Variants in GARNL3 observed in about 807,000 individuals in gnomAD.
GARNL3 encodes GTPase-activating Rap/Ran-GAP domain-like protein 3.
GARNL3 carries 63 observed loss-of-function variants against 125.0 expected under a neutral mutation model. The ratio of observed to expected loss-of-function variants is 0.50; its 90% CI spans 0.41 to 0.62. GARNL3 has a LOEUF of 0.62. Among genes scored for constraint, GARNL3 ranks in the 20% least tolerant of loss-of-function variants. The pLI, the probability that GARNL3 is intolerant of heterozygous loss-of-function variation, is 0.00. For synonymous variants in GARNL3, 439 were observed against 457.5 expected, an observed-to-expected ratio of 0.96 and a Z score of 0.52; for missense variants, 994 against 1,244.0, an observed-to-expected ratio of 0.80 and a Z score of 3.02.
intron 2 of GARNL3, among the ~76,000 whole-genome samples, chr9:127,309,151 G>A (rs115380223): frequency 0.018 from 2,758 of 151,984 alleles, 87 homozygotes; most frequent in African/African-American, 0.064. Context: ...TAAAAGGCAG[G>A]ACATAAAAAA....
In GARNL3 at chr9:127,385,643, C is replaced by T. The variant is rs1021980746; in HGVS notation, c.2388+498C>T. ...AGATGCCTTCCAAGATGTCTTTTGTCGCTGGCATATAATCTGGGGGGTCTT... is the reference window on the plus strand; with the variant it reads ...AGATGCCTTCCAAGATGTCTTTTGTTGCTGGCATATAATCTGGGGGGTCTT... On this transcript the variant is annotated intron_variant, in intron 24 of 27. Transcript: ENST00000373387. This position sits in a 1 kb window ranked among gnomAD's most constrained non-coding sequence, Gnocchi z 4.1. Among the ~76,000 whole-genome samples, 4 of 152,212 alleles carry T rather than the reference C, an allele frequency of 2.6e-5. No individual in the cohort carries two copies. Among genetic ancestry groups the T allele is most frequent in the Non-Finnish European group, 4.4e-5 (3 of 68,028 alleles).
At chr9:127,255,651 A>G (rs749694625) in intron 2 of GARNL3, among the ~76,000 whole-genome samples, 40 of 152,234 alleles carry the variant, frequency 2.6e-4, no homozygotes, top group Non-Finnish European at 4.4e-4. Flanking sequence ...GTTAGAGACA[A>G]AATTCCAGGT....
chr9:127,391,533 A>AAAAAAAAAAAAAAAATAT, intron 27 of GARNL3, among the ~76,000 whole-genome samples: 6 of 75,846 alleles, frequency 7.9e-5, no homozygotes, highest in Admixed American at 7.6e-4. Flanking sequence ...ACAAAAAAAA[A>AAAAAAAAAAAAAAAATAT]ATATATATAT....
At chr9:127,367,851 C>A (rs1487954023) in intron 22 of GARNL3, among the ~76,000 whole-genome samples, 1 of 130,914 alleles carries the variant, frequency 7.6e-6, no homozygotes, top group African/African-American at 2.8e-5. Context: ...GAATACAAAA[C>A]CTGCTTCTTA....
chr9:127,319,180 T>A (rs1393072300), intron 5 of GARNL3, among the ~76,000 whole-genome samples: 4 of 152,132 alleles, frequency 2.6e-5, no homozygotes, highest in Non-Finnish European at 5.9e-5. Flanking sequence ...GGGGACTGCA[T>A]CTGGCTGACT....
intron 10 of GARNL3, among the ~76,000 whole-genome samples, chr9:127,335,609 G>A (rs763350468): frequency 5.9e-5 from 9 of 152,120 alleles, no homozygotes; most frequent in Admixed American, 2.0e-4. Context: ...ATGTGTGTGA[G>A]TGTGGTTTCA....
chr9:127,263,875 C>A, upstream of GARNL3: 7 of 1,371,576 alleles, frequency 5.1e-6, no homozygotes, highest in South Asian at 1.9e-5. Context: ...TGGAGCCTGT[C>A]AAACAGTGTC....
chr9:127,235,861 A>G (rs1189520393), intron 1 of GARNL3, among the ~76,000 whole-genome samples: 1 of 152,218 alleles, frequency 6.6e-6, no homozygotes, highest in Non-Finnish European at 1.5e-5. Context: ...AACAACGACT[A>G]CAGTCAACTC....
intron 7 of GARNL3, among the ~76,000 whole-genome samples, chr9:127,326,185 C>T (rs1324875831): frequency 6.6e-6 from 1 of 152,188 alleles, no homozygotes; most frequent in Non-Finnish European, 1.5e-5. Context: ...CCCTGCCTGT[C>T]ACCCTTAGCC....
At chr9:127,248,669 G>A (rs894215424) in intron 2 of GARNL3, among the ~76,000 whole-genome samples, 10 of 129,112 alleles carry the variant, frequency 7.7e-5, no homozygotes, top group Non-Finnish European at 1.1e-4. Context: ...GTGCAGTGGT[G>A]TGATCTCGGT....
Position 127,301,539 on chromosome 9 carries a change from G to A in GARNL3, c.220-10097G>A, listed in dbSNP as rs369640266. On this transcript the variant is annotated intron_variant, in intron 2 of 27. Coordinates refer to ENST00000373387, the MANE Select transcript of GARNL3 (RefSeq NM_032293.5). Reference sequence around the variant, plus strand: ...CAATTTCCTAATGGGTAAAAAGGGAGGGGAAATCCTTCCTTATACCATCTG... The same window carrying A: ...CAATTTCCTAATGGGTAAAAAGGGAAGGGAAATCCTTCCTTATACCATCTG... 7.9e-5 allele frequency among the ~76,000 whole-genome samples: 12 copies of A among 152,136 alleles called. 1 individual carries two copies. The East Asian group carries it at 2.3e-3, about 29-fold the overall frequency.
At chr9:127,371,533 G>A (rs1223900108) in intron 22 of GARNL3, among the ~76,000 whole-genome samples, 2 of 152,162 alleles carry the variant, frequency 1.3e-5, no homozygotes, top group Non-Finnish European at 2.9e-5. Context: ...TGAGCAAGAG[G>A]CTGAAGATTG....
At chr9:127,246,268 C>T (rs2063302274) in intron 2 of GARNL3, among the ~76,000 whole-genome samples, 1 of 152,130 alleles carries the variant, frequency 6.6e-6, no homozygotes, top group South Asian at 2.1e-4. Context: ...GGAGACCTAT[C>T]AGAGCAGAAG....
chr9:127,296,690 C>T (rs971641938), intron 2 of GARNL3, among the ~76,000 whole-genome samples: 4 of 151,790 alleles, frequency 2.6e-5, no homozygotes, highest in Admixed American at 1.3e-4. Flanking sequence ...AGGCTGGTCT[C>T]GAACTCCTGA....
chr9:127,253,387 T>G (rs1032391372), intron 2 of GARNL3, among the ~76,000 whole-genome samples: 1 of 152,258 alleles, frequency 6.6e-6, no homozygotes, highest in African/African-American at 2.4e-5. Context: ...ACTGGCTGGC[T>G]TGCTTGCATT....
chr9:127,336,890 G>A (rs1829583342), intron 11 of GARNL3, among the ~76,000 whole-genome samples: 1 of 152,150 alleles, frequency 6.6e-6, no homozygotes, highest in African/African-American at 2.4e-5. Context: ...ACCCAAAGTT[G>A]GTGGCTCTAC....
chr9:127,360,509 T>G (rs10819278), intron 21 of GARNL3, among the ~76,000 whole-genome samples: 1 of 151,852 alleles, frequency 6.6e-6, no homozygotes, highest in Admixed American at 6.6e-5. Flanking sequence ...GTACTGTCTG[T>G]CTGGGGAGAT....
upstream of GARNL3, chr9:127,264,106 C>A: frequency 2.7e-6 from 2 of 732,940 alleles, no homozygotes; most frequent in South Asian, 2.0e-5. Context: ...GAGTTATTTG[C>A]ATGACATATT....
rs1292735935 is a variant in GARNL3, at chr9:127,387,291, G to A, written c.2487G>A (p.Pro829=). 11 of 1,614,116 alleles carry A rather than the reference G, an allele frequency of 6.8e-6. No individual in the cohort carries two copies. The highest frequency in any genetic ancestry group is 1.1e-5 in the South Asian group (1 of 91,080). Residue 829 remains proline, a synonymous_variant, in exon 25 of 28, where the codon CCG becomes CCA. Coordinates refer to ENST00000373387, the MANE Select transcript of GARNL3 (RefSeq NM_032293.5). ...ASARNSPQTP[P]GRDTPVFPSS... ...CCCGAAATTCTCCTCAGACACCCCC[G>A]GGCCGAGATACTCCAGTATTTCCTT...
Sources: allele counts gnomAD v4.1 joint callset (sites outside exome capture counted in the v4.1 genomes callset), GRCh38; gene constraint gnomAD v4.1.1; non-coding constraint Gnocchi (gnomAD v3.1); transcripts MANE v1.5; gene names NCBI Gene and HGNC (gene_info 2026-07-23, HGNC 2026-07-21).